The following ASPH variants were observed in gnomAD, a reference collection of about 807,000 sequenced individuals.
ASPH encodes aspartate beta-hydroxylase, also known as aspartyl/asparaginyl beta-hydroxylase.
In ASPH, 100 loss-of-function variants were observed where a neutral mutation model predicts 118.4. That is an observed-to-expected ratio of 0.84 (90% CI 0.72 to 1.00). ASPH has a LOEUF of 1.00. Among genes scored for constraint, ASPH ranks in the 50% least tolerant of loss-of-function variants. ASPH has a pLI of 0.00. For synonymous variants in ASPH, 315 were observed against 325.6 expected (o/e 0.97, Z 0.35); for missense variants, 920 against 919.5 (o/e 1.00, Z -0.01).
chr8:61,651,198 C>T, intron 4 of ASPH, 74 bp from the exon 5 acceptor site: 1 of 1,215,290 alleles, frequency 8.2e-7, no homozygotes, highest in East Asian at 2.3e-5. Context: ...TCAAATATGA[C>T]ATTGGTACAT....
intron 10 of ASPH, among the ~76,000 whole-genome samples, chr8:61,639,460 C>T (rs1022178529): frequency 6.6e-6 from 1 of 152,164 alleles, no homozygotes; most frequent in Non-Finnish European, 1.5e-5. Flanking sequence ...CCATTCTTCT[C>T]CAAACACTGT....
At chr8:61,678,258 C>T (rs911283896) in intron 3 of ASPH, among the ~76,000 whole-genome samples, 5 of 152,056 alleles carry the variant, frequency 3.3e-5, no homozygotes, top group African/African-American at 4.8e-5. Flanking sequence ...ATTTAGTCCT[C>T]GCATCATTTA....
intron 21 of ASPH, among the ~76,000 whole-genome samples, chr8:61,527,645 G>C (rs560286942): frequency 1.6e-3 from 239 of 152,336 alleles, no homozygotes; most frequent in Non-Finnish European, 2.9e-3. Flanking sequence ...CTGCAGATTA[G>C]GGAGATGCAG....
intron 4 of ASPH, 27 bp from the exon 5 acceptor site, chr8:61,651,151 G>C: frequency 1.3e-6 from 2 of 1,590,850 alleles, no homozygotes; most frequent in Non-Finnish European, 1.7e-6. Context: ...ACATAGCTAA[G>C]TAGAAAAGCT....
chr8:61,539,932 T>C (rs1299592902), intron 21 of ASPH, among the ~76,000 whole-genome samples: 1 of 152,204 alleles, frequency 6.6e-6, no homozygotes, highest in Non-Finnish European at 1.5e-5. Context: ...ATGGCTTTTC[T>C]CTAACTATAG....
chr8:61,624,653 T>C, intron 13 of ASPH: 2 of 985,440 alleles, frequency 2.0e-6, no homozygotes, highest in Non-Finnish European at 2.4e-6. Context: ...GGCTCATTAA[T>C]TCAGATATTT....
chr8:61,627,798 G>A (rs1277009593), intron 13 of ASPH, among the ~76,000 whole-genome samples: 1 of 152,146 alleles, frequency 6.6e-6, no homozygotes. Context: ...TGGTTATGGT[G>A]CAAATCCCAC....
intron 21 of ASPH, among the ~76,000 whole-genome samples, chr8:61,538,625 AT>A (rs1446295371): frequency 1.3e-5 from 2 of 152,234 alleles, no homozygotes; most frequent in Non-Finnish European, 2.9e-5. Flanking sequence ...AGGCGAAGTC[AT>A]TCATACACAA....
intron 21 of ASPH, among the ~76,000 whole-genome samples, chr8:61,538,652 A>C (rs1820540904): frequency 6.6e-6 from 1 of 152,246 alleles, no homozygotes. Context: ...TTCTTAATTA[A>C]TAAAAGCCAC....
At chr8:61,601,790 G>A (rs1844067681) in intron 14 of ASPH, among the ~76,000 whole-genome samples, 1 of 151,232 alleles carries the variant, frequency 6.6e-6, no homozygotes, top group South Asian at 2.1e-4. Context: ...CATCATGAAT[G>A]AGTCAGGTGA....
At chr8:61,517,774 T>A in intron 23 of ASPH, 113 bp from the exon 24 acceptor site, 1 of 1,357,380 alleles carries the variant, frequency 7.4e-7, no homozygotes, top group Non-Finnish European at 1.0e-6. Context: ...CTTTGTAAGA[T>A]TTAATATTTA....
chr8:61,531,257 T>C (rs1817461486), intron 21 of ASPH, among the ~76,000 whole-genome samples: 1 of 152,230 alleles, frequency 6.6e-6, no homozygotes, highest in South Asian at 2.1e-4. Context: ...TTTCTGAAGA[T>C]AACCCTCCCG....
At chr8:61,570,118 C>T (rs1833012356) in intron 16 of ASPH, among the ~76,000 whole-genome samples, 1 of 152,148 alleles carries the variant, frequency 6.6e-6, no homozygotes, top group African/African-American at 2.4e-5. Context: ...TACAGATAAC[C>T]TACTGAACAT....
Position 61,643,366 on chromosome 8 carries a change from T to C in ASPH, c.757+20A>G. ...ATCTAAGGTAATATTTTAAATCTAA[T>C]GAAAATGCTCATCTAATACCTGTAT... On this transcript the variant is annotated intron_variant, in intron 9 of 24. Transcript: ENST00000379454. 1.9e-6 allele frequency: 3 copies of C among 1,596,182 alleles called. No homozygotes were observed. Among genetic ancestry groups the C allele is most frequent in the Non-Finnish European group, 2.6e-6 (3 of 1,173,254 alleles).
intron 21 of ASPH, among the ~76,000 whole-genome samples, chr8:61,539,207 C>A (rs1047365133): frequency 3.3e-5 from 5 of 152,118 alleles, no homozygotes; most frequent in Non-Finnish European, 7.4e-5. Context: ...CTCCACTGCA[C>A]CCCAGACTGG....
chr8:61,554,771 T>C (rs367906913), intron 19 of ASPH, among the ~76,000 whole-genome samples: 2 of 152,322 alleles, frequency 1.3e-5, no homozygotes, highest in African/African-American at 2.4e-5. Context: ...AGGGTCTCAG[T>C]CTGTCGCTCA....
At chr8:61,526,914 TC>T (rs1815587523) in intron 21 of ASPH, among the ~76,000 whole-genome samples, 1 of 152,130 alleles carries the variant, frequency 6.6e-6, no homozygotes, top group Non-Finnish European at 1.5e-5. Context: ...AAGATGGATT[TC>T]CATCAGGAGA....
At chr8:61,654,405 A>G (rs1812597765) in intron 3 of ASPH, among the ~76,000 whole-genome samples, 1 of 152,202 alleles carries the variant, frequency 6.6e-6, no homozygotes, top group Non-Finnish European at 1.5e-5. Context: ...GCTAAATTCA[A>G]GAGTTCAAAG....
chr8:61,700,962 G>T (rs1475369232), intron 1 of ASPH, among the ~76,000 whole-genome samples: 4 of 152,156 alleles, frequency 2.6e-5, no homozygotes, highest in African/African-American at 4.8e-5. Context: ...TAAATTTTAA[G>T]TATACATTCC....
Sources: gnomAD v4.1 joint callset for allele counts (sites outside exome capture counted in the v4.1 genomes callset) on GRCh38, gnomAD v4.1.1 for gene constraint, MANE v1.5 for transcripts, NCBI Gene and HGNC (gene_info 2026-07-23, HGNC 2026-07-21) for gene names.